UTP4: variants seen among roughly 807,000 people sequenced by gnomAD.
UTP4 encodes UTP4 small subunit processome component.
UTP4 carries 45 observed loss-of-function variants against 82.4 expected under a neutral mutation model. The ratio of observed to expected loss-of-function variants is 0.55; its 90% CI spans 0.43 to 0.70. The LOEUF is 0.70. UTP4 is among the 30% of genes least tolerant of loss of function. UTP4 has a pLI of 0.00. For synonymous variants in UTP4, 348 were observed against 300.3 expected (o/e 1.16, Z -1.64); for missense variants, 819 against 858.3 (o/e 0.95, Z 0.57).
chr16:69,134,140 A>G (rs1010038190), intron 2 of UTP4, among the ~76,000 whole-genome samples: 10 of 152,192 alleles, frequency 6.6e-5, no homozygotes, highest in African/African-American at 2.2e-4. Context: ...GGGTGTATGC[A>G]GAGGTCTATT....
At chr16:69,155,480 T>C (rs1034779117) in intron 10 of UTP4, among the ~76,000 whole-genome samples, 1 of 152,164 alleles carries the variant, frequency 6.6e-6, no homozygotes, top group Non-Finnish European at 1.5e-5. Context: ...ATGTTCTTCA[T>C]TTGCTATTTC....
chr16:69,159,941 C>T (rs1469927226), intron 12 of UTP4, among the ~76,000 whole-genome samples: 4 of 150,450 alleles, frequency 2.7e-5, no homozygotes, highest in Non-Finnish European at 4.4e-5. Flanking sequence ...TGAGCGGATC[C>T]GCCACTGCAC....
chr16:69,134,124 T>C (rs1962740485), intron 2 of UTP4, among the ~76,000 whole-genome samples: 1 of 152,200 alleles, frequency 6.6e-6, no homozygotes, highest in Admixed American at 6.5e-5. Context: ...AGGTAAAATG[T>C]CCTTTGGGTG....
intron 9 of UTP4, 58 bp downstream of exon 9, chr16:69,153,738 G>C: frequency 8.4e-7 from 1 of 1,188,988 alleles, no homozygotes; most frequent in Non-Finnish European, 1.2e-6. Context: ...CCAGAAATCA[G>C]AATTGCGGTT....
intron 4 of UTP4, 195 bp downstream of exon 4, chr16:69,138,080 G>A: frequency 1.8e-6 from 1 of 568,868 alleles, no homozygotes; most frequent in African/African-American, 1.9e-5. Flanking sequence ...GCTTGGTTAA[G>A]TAATAATATA....
At chr16:69,159,048 G>A (rs759975181) in intron 12 of UTP4, among the ~76,000 whole-genome samples, 16 of 151,314 alleles carry the variant, frequency 1.1e-4, no homozygotes, top group South Asian at 2.1e-4. Context: ...CTGTTTGTCC[G>A]TAACTTTTTT....
intron 12 of UTP4, among the ~76,000 whole-genome samples, chr16:69,160,141 C>A (rs1963526638): frequency 6.6e-6 from 1 of 152,196 alleles, no homozygotes; most frequent in Admixed American, 6.5e-5. Context: ...TCTGTTTTAT[C>A]TCTCTGGACC....
At chr16:69,134,117 T>A (rs1287232382) in intron 2 of UTP4, among the ~76,000 whole-genome samples, 1 of 152,190 alleles carries the variant, frequency 6.6e-6, no homozygotes, top group Non-Finnish European at 1.5e-5. Flanking sequence ...TAAAATTAGG[T>A]AAAATGTCCT....
chr16:69,139,921 GT>G lies in UTP4; in HGVS notation c.526+14del. On this transcript the variant is annotated splice_region_variant and intron_variant, in intron 5 of 16. Transcript: ENST00000314423. ...GTGTTTGATGTCAAATCAGGTGATT[GT>G]TTTTTTCAGTTCATTTGGGGTGTGG... 6.3e-7 allele frequency: 1 copy of G among 1,591,168 alleles called. No individual in the cohort carries two copies. The highest frequency in any genetic ancestry group is 8.6e-7 in the Non-Finnish European group (1 of 1,159,252).
intron 5 of UTP4, 104 bp downstream of exon 5, chr16:69,140,018 C>T: frequency 1.2e-6 from 1 of 819,854 alleles, no homozygotes; most frequent in East Asian, 2.4e-5. Context: ...ACCTTTATGG[C>T]CTAACATGTC....
intron 16 of UTP4, 185 bp downstream of exon 16, chr16:69,167,370 A>G: frequency 1.6e-6 from 1 of 609,414 alleles, no homozygotes; most frequent in Non-Finnish European, 2.9e-6. Context: ...TTGCCTTAGT[A>G]GGTTAGAGGC....
At chr16:69,140,601 C>T (rs183036392) in intron 5 of UTP4, among the ~76,000 whole-genome samples, 11 of 152,028 alleles carry the variant, frequency 7.2e-5, no homozygotes, top group Admixed American at 2.6e-4. Context: ...GTATTCCCAT[C>T]AACTCAGGAA....
At chr16:69,133,334 A>G (rs1962700537) in intron 1 of UTP4, 124 bp from the exon 2 acceptor site, 1 of 897,466 alleles carries the variant, frequency 1.1e-6, no homozygotes, top group African/African-American at 1.6e-5. Context: ...GCCATTTGGA[A>G]ATGAACTTCA....
intron 12 of UTP4, among the ~76,000 whole-genome samples, chr16:69,158,171 T>TTTC (rs1963471251): frequency 8.6e-6 from 1 of 116,248 alleles, no homozygotes; most frequent in Non-Finnish European, 1.8e-5. Flanking sequence ...CTTTTTTTTT[T>TTTC]TTTTTTTTTT....
intron 6 of UTP4, among the ~76,000 whole-genome samples, chr16:69,144,696 G>GT (rs1273886878): frequency 3.9e-5 from 6 of 152,098 alleles, no homozygotes; most frequent in Non-Finnish European, 8.8e-5. Flanking sequence ...CATATCACAG[G>GT]TTTTTTTAGA....
chr16:69,154,591 G>T, intron 10 of UTP4, 134 bp downstream of exon 10: 1 of 735,018 alleles, frequency 1.4e-6, no homozygotes, highest in Non-Finnish European at 2.4e-6. Context: ...GAAGGACTGT[G>T]TCACCAGGAC....
chr16:69,154,129 G>C (rs1412411121), intron 9 of UTP4, among the ~76,000 whole-genome samples: 1 of 152,060 alleles, frequency 6.6e-6, no homozygotes, highest in Non-Finnish European at 1.5e-5. Flanking sequence ...TAAAATCGAG[G>C]CCACACAAAC....
intron 13 of UTP4, among the ~76,000 whole-genome samples, 181 bp from the exon 14 acceptor site, chr16:69,162,902 A>G (rs1567381497): frequency 6.6e-6 from 1 of 151,932 alleles, no homozygotes; most frequent in African/African-American, 2.4e-5. Flanking sequence ...AAAAAAAAAA[A>G]AAGAGAAGAA....
At chr16:69,158,749 T>G (rs1187383699) in intron 12 of UTP4, among the ~76,000 whole-genome samples, 1 of 152,178 alleles carries the variant, frequency 6.6e-6, no homozygotes, top group East Asian at 1.9e-4. Flanking sequence ...TCCTCGTCAC[T>G]TAGCTTGCAC....
Sources: gnomAD v4.1 joint callset for allele counts (sites outside exome capture counted in the v4.1 genomes callset) on GRCh38, gnomAD v4.1.1 for gene constraint, MANE v1.5 for transcripts, NCBI Gene and HGNC (gene_info 2026-07-23, HGNC 2026-07-21) for gene names.